The following FASLG variants were observed in gnomAD, a reference collection of about 807,000 sequenced individuals.
FASLG encodes the protein Fas ligand, also known as tumor necrosis factor ligand superfamily member 6.
Under a neutral mutation model 24.6 loss-of-function variants are expected in FASLG, and 9 were observed. The ratio of observed to expected loss-of-function variants is 0.37; its 90% CI spans 0.22 to 0.64. The LOEUF (loss-of-function observed/expected upper bound fraction) is 0.64, where lower values mean the gene tolerates loss of function less well. Ranked by LOEUF, FASLG falls within the 30% of genes least tolerant of loss-of-function variation. FASLG has a pLI of 0.64. For missense variants in FASLG, 306 were observed against 345.3 expected (o/e 0.89, Z 0.90); for synonymous variants, 130 against 135.5 (o/e 0.96, Z 0.28).
In FASLG at chr1:172,666,431, A is replaced by G; in HGVS notation, c.*415A>G. 1 of 175,872 alleles carries G rather than the reference A, an allele frequency of 5.7e-6. No homozygotes were observed. Among genetic ancestry groups the G allele is most frequent in the South Asian group, 1.4e-4 (1 of 7,252 alleles). The allele number at this position is 175,872 out of a possible 1,614,324, so 10.9% of individuals were successfully genotyped here. ...GACCTGAGGATTTAAGGGATGGAAA[A>G]GGAAGACTAGAGGCTTGCATAATAA... On this transcript the variant is annotated 3_prime_UTR_variant, in exon 4 of 4. Coordinates refer to ENST00000367721, the MANE Select transcript of FASLG (RefSeq NM_000639.3).
At position 172,666,352 on chromosome 1, in the gene FASLG, C is replaced by T. The variant is rs1380022871; in HGVS notation, c.*336C>T. The T allele has an allele frequency of 2.3e-5, 6 of 266,276 alleles. No individual in the cohort carries two copies. In the East Asian group the frequency reaches 3.8e-4, roughly 17 times the overall value. 16.5% of individuals were successfully genotyped at this position (266,276 alleles called of 1,614,324 possible). A position where few individuals can be genotyped will look rare whatever the true frequency, so the allele number is the denominator to read the frequency against. On this transcript the variant is annotated 3_prime_UTR_variant, in exon 4 of 4. Coordinates refer to ENST00000367721, the MANE Select transcript of FASLG (RefSeq NM_000639.3). ...GAAAAGGACACCTTTTAACTCACCTCTCAAGGTGGGCCTTGCTACCTCAAG... is the reference window on the plus strand; with the variant it reads ...GAAAAGGACACCTTTTAACTCACCTTTCAAGGTGGGCCTTGCTACCTCAAG...
chr1:172,660,038 C>T, intron 1 of FASLG, 57 bp from the exon 2 acceptor site: 2 of 1,547,442 alleles, frequency 1.3e-6, no homozygotes, highest in Non-Finnish European at 1.8e-6. Flanking sequence ...GATTCTGCCT[C>T]TTTTGCTTAA....
At chr1:172,661,766 T>TC (rs1659147669) in intron 2 of FASLG, among the ~76,000 whole-genome samples, 1 of 151,950 alleles carries the variant, frequency 6.6e-6, no homozygotes, top group African/African-American at 2.4e-5. Context: ...TTAATAAAGA[T>TC]TAAAAAAAAA....
intron 3 of FASLG, 96 bp from the exon 4 acceptor site, chr1:172,665,526 T>G: frequency 7.1e-7 from 1 of 1,408,554 alleles, no homozygotes; most frequent in South Asian, 1.2e-5. Flanking sequence ...GGGTGAAACA[T>G]TTGTTGAAGG....
intron 1 of FASLG, 99 bp from the exon 2 acceptor site, chr1:172,659,996 G>A: frequency 7.8e-7 from 1 of 1,288,452 alleles, no homozygotes; most frequent in Middle Eastern, 2.3e-4. Context: ...TGAGGTATTT[G>A]GATTCTCTTT....
chr1:172,660,850 C>T (rs1033025412), intron 2 of FASLG, among the ~76,000 whole-genome samples: 10 of 152,172 alleles, frequency 6.6e-5, no homozygotes, highest in African/African-American at 2.4e-4. Flanking sequence ...CATAGTTGTG[C>T]AAGCTCTGTA....
At position 172,664,350 on chromosome 1, in the gene FASLG, C is replaced by T. The variant is rs1367979540; in HGVS notation, c.411C>T (p.Pro137=). 6.2e-7 allele frequency: 1 copy of T among 1,613,838 alleles called. No homozygotes were observed. Among genetic ancestry groups the T allele is most frequent in the Non-Finnish European group, 8.5e-7 (1 of 1,179,936 alleles). The change falls in exon 3 of 4, where the codon CCC becomes CCT. Residue 137 remains proline (P), a synonymous_variant. Coordinates refer to ENST00000367721, the MANE Select transcript of FASLG (RefSeq NM_000639.3). Reference sequence around the variant, plus strand: ...ATGATACAGGCCACCCCAGTCCACCCCCTGAAAAAAAGGAGCTGAGGAAAG... The same window carrying T: ...ATGATACAGGCCACCCCAGTCCACCTCCTGAAAAAAAGGAGCTGAGGAAAG... ...LEKQIGHPSP[P]PEKKELRKVA...
Position 172,659,450 on chromosome 1 carries a change from C to T in FASLG, c.249C>T (p.Leu83=), listed in dbSNP as rs2101806623. 1 of 1,613,934 alleles carries T rather than the reference C, an allele frequency of 6.2e-7. No homozygotes were observed. Among genetic ancestry groups the T allele is most frequent in the Non-Finnish European group, 8.5e-7 (1 of 1,179,938 alleles). The change falls in exon 1 of 4, where the codon CTC becomes CTT. Residue 83 remains leucine, a synonymous_variant. Transcript: ENST00000367721. The part of the protein sequence containing the change: ...KRGNHSTGLC[L]LVMFFMVLVA... ...GGAACCACAGCACAGGCCTGTGTCT[C>T]CTTGTGATGTTTTTCATGGTTCTGG...
At chr1:172,661,133 A>G (rs138570840) in intron 2 of FASLG, among the ~76,000 whole-genome samples, 185 of 152,306 alleles carry the variant, frequency 1.2e-3, no homozygotes, top group African/African-American at 4.1e-3. Flanking sequence ...TGCCTCATGA[A>G]GGAGGGAAAC....
chr1:172,662,818 A>G (rs1659171507), intron 2 of FASLG, among the ~76,000 whole-genome samples: 2 of 152,238 alleles, frequency 1.3e-5, no homozygotes, highest in Admixed American at 6.5e-5. Flanking sequence ...TGTGAGGGAT[A>G]TAAAGACATG....
rs150902515 is a variant in FASLG at position 172,662,662 on chromosome 1, G to T, written c.395-1672G>T. Among the ~76,000 whole-genome samples the T allele has an allele frequency of 4.8e-3, 735 of 152,242 alleles. 9 individuals are homozygous for T. Among genetic ancestry groups the T allele is most frequent in the African/African-American group, 0.017 (687 of 41,528 alleles). ...TGGGGCTGGGGGCGGGCATTTCAGC[G>T]CTGGGAACGGCACATGCAAAAACCC... On this transcript the variant is annotated intron_variant, in intron 2 of 3. Transcript: ENST00000367721.
At position 172,659,396 on chromosome 1, in the gene FASLG, A is replaced by G. The variant is rs748476725; in HGVS notation, c.195A>G (p.Pro65=). 3.7e-6 allele frequency: 6 copies of G among 1,612,046 alleles called. No homozygotes were observed. The East Asian group carries it at 8.9e-5, about 24-fold the overall frequency. ...CGCCGCCGCCGCCACCACTGCCTCCACTACCGCTGCCACCCCTGAAGAAGA... is the reference window on the plus strand; with the variant it reads ...CGCCGCCGCCGCCACCACTGCCTCCGCTACCGCTGCCACCCCTGAAGAAGA... ...PPPPPPPPLP[P]LPLPPLKKRG... is the part of the protein sequence containing the mutation. The change falls in exon 1 of 4, where the codon CCA becomes CCG. Residue 65 remains proline (P), a synonymous_variant. Transcript: ENST00000367721.
intron 1 of FASLG, 57 bp from the exon 2 acceptor site, chr1:172,660,038 C>A: frequency 6.5e-7 from 1 of 1,547,442 alleles, no homozygotes; most frequent in Non-Finnish European, 8.9e-7. Flanking sequence ...GATTCTGCCT[C>A]TTTTGCTTAA....
intron 2 of FASLG, among the ~76,000 whole-genome samples, chr1:172,661,051 T>C (rs1253744850): frequency 6.6e-6 from 1 of 152,258 alleles, no homozygotes. Flanking sequence ...ACCACTGGTA[T>C]GCCATTGGGG....
chr1:172,661,087 C>T (rs1448016141), intron 2 of FASLG, among the ~76,000 whole-genome samples: 1 of 152,192 alleles, frequency 6.6e-6, no homozygotes, highest in Non-Finnish European at 1.5e-5. Flanking sequence ...GCTCTTGATG[C>T]CTTGTCACCT....
In FASLG at chr1:172,659,132, C is replaced by A; in HGVS notation, c.-70C>A. 1.2e-6 allele frequency: 2 copies of A among 1,607,532 alleles called. No individual in the cohort carries two copies. The highest frequency in any genetic ancestry group is 1.7e-6 in the Non-Finnish European group (2 of 1,177,004). ...GTCAGCAACAGGGTCCCGTCCTTGA[C>A]ACCTCAGCCTCTACAGGACTGAGAA... On this transcript the variant is annotated 5_prime_UTR_variant, in exon 1 of 4. Transcript: ENST00000367721.
rs1659274332 is a variant in FASLG at position 172,666,615 on chromosome 1, G to GT, written c.*599_*600insT. On this transcript the variant is annotated 3_prime_UTR_variant, in exon 4 of 4. Transcript: ENST00000367721. ...ATGTGTATTTCCAGTGCAATTGTAG[G>GT]GGTGTGTGTGTGTGTGTGTGTGTGT... The GT allele has an allele frequency of 2.8e-5, 4 of 142,528 alleles. No homozygotes were observed. The highest frequency in any genetic ancestry group is 6.7e-5 in the African/African-American group (2 of 29,998). 8.8% of individuals were successfully genotyped at this position (142,528 alleles called of 1,614,324 possible).
intron 2 of FASLG, among the ~76,000 whole-genome samples, chr1:172,660,601 C>T (rs1659117050): frequency 6.6e-6 from 1 of 152,200 alleles, no homozygotes; most frequent in Non-Finnish European, 1.5e-5. Context: ...GCTTTATTTA[C>T]AATATGTTTT....
chr1:172,665,602 TC>T lies in FASLG; in HGVS notation c.452-18del. 1.2e-6 allele frequency: 2 copies of T among 1,609,650 alleles called. No individual in the cohort carries two copies. Among genetic ancestry groups the T allele is most frequent in the South Asian group, 2.2e-5 (2 of 91,070 alleles). ...TGCATGACTATTCCTTGTTGAAAGC[TC>T]CTTTTGGATTTATTTCAGGCAAGTC... On this transcript the variant is annotated intron_variant, in intron 3 of 3. Coordinates refer to ENST00000367721, the MANE Select transcript of FASLG (RefSeq NM_000639.3).
Sources: gnomAD v4.1 joint callset for allele counts (sites outside exome capture counted in the v4.1 genomes callset) on GRCh38, gnomAD v4.1.1 for gene constraint, MANE v1.5 for transcripts, NCBI Gene and HGNC (gene_info 2026-07-23, HGNC 2026-07-21) for gene names.